Variants in OR4K1 observed in about 807,000 individuals in gnomAD.
OR4K1 encodes the protein olfactory receptor 4K1.
A neutral mutation model predicts 14.4 loss-of-function variants in OR4K1; 16 were observed. That is an observed-to-expected ratio of 1.11 (90% CI 0.75 to 1.68). OR4K1 has a LOEUF of 1.68. Among genes scored for constraint, OR4K1 ranks in the 40% most tolerant of loss-of-function variants. The probability of loss-of-function intolerance (pLI) is 0.00; values close to 1 mark genes in which losing one functional copy is unlikely to be tolerated. For missense variants in OR4K1, 548 were observed against 376.9 expected (o/e 1.45, Z -3.76); for synonymous variants, 181 against 133.1 (o/e 1.36, Z -2.48).
chr14:19,930,351 A>C (rs1474825043), upstream of OR4K1, among the ~76,000 whole-genome samples: 2 of 152,246 alleles, frequency 1.3e-5, no homozygotes, highest in African/African-American at 4.8e-5. Flanking sequence ...GAACCTGTGG[A>C]GATCTAGAAA....
At chr14:19,933,584 C>G (rs1483687455) in intron 1 of OR4K1, among the ~76,000 whole-genome samples, 4 of 152,078 alleles carry the variant, frequency 2.6e-5, no homozygotes, top group Non-Finnish European at 5.9e-5. Flanking sequence ...TCTTGAGTAA[C>G]TTAGGTTTCT....
At chr14:19,923,570 T>C in the OR4K1 span, among the ~76,000 whole-genome samples, 2 of 152,072 alleles carry the variant, frequency 1.3e-5, no homozygotes, top group Non-Finnish European at 2.9e-5. Context: ...AAATAAATGT[T>C]GAAAAAGAAA....
At chr14:19,921,211 A>G in the OR4K1 span, 1 of 1,614,172 alleles carries the variant, frequency 6.2e-7, no homozygotes, top group Non-Finnish European at 8.5e-7. Context: ...ATTGTGGTCA[A>G]TAGTGGAATT....
chr14:19,926,521 C>CT (rs1437291033), upstream of OR4K1, among the ~76,000 whole-genome samples: 2 of 152,218 alleles, frequency 1.3e-5, no homozygotes, highest in Non-Finnish European at 2.9e-5. Context: ...GTCCAATACG[C>CT]TAGGGCAGGC....
At chr14:19,925,776 C>CA in the OR4K1 span, among the ~76,000 whole-genome samples, 9 of 152,338 alleles carry the variant, frequency 5.9e-5, no homozygotes, top group South Asian at 6.2e-4. Context: ...GAGAGTACCC[C>CA]AAAAGGCCAA....
At chr14:19,922,269 T>C in the OR4K1 span, among the ~76,000 whole-genome samples, 1 of 152,274 alleles carries the variant, frequency 6.6e-6, no homozygotes, top group East Asian at 1.9e-4. Context: ...AAAGCTGAAC[T>C]ATTTCAACAC....
At chr14:19,922,806 C>A in the OR4K1 span, among the ~76,000 whole-genome samples, 2 of 152,210 alleles carry the variant, frequency 1.3e-5, no homozygotes, top group East Asian at 1.9e-4. Flanking sequence ...TTAACCCTGG[C>A]AACCAATGAT....
chr14:19,930,129 T>TTA (rs60026890), upstream of OR4K1, among the ~76,000 whole-genome samples: 27,518 of 148,646 alleles, frequency 0.19, 1,766 homozygotes, highest in African/African-American at 0.26. Context: ...ACTCTCAAAT[T>TTA]TATATATATA....
chr14:19,923,542 G>A, the OR4K1 span, among the ~76,000 whole-genome samples: 47 of 152,196 alleles, frequency 3.1e-4, no homozygotes, highest in African/African-American at 9.2e-4. Context: ...TTAACTTATA[G>A]AGAATGACAT....
chr14:19,925,169 T>C, the OR4K1 span, among the ~76,000 whole-genome samples: 1 of 152,230 alleles, frequency 6.6e-6, no homozygotes, highest in Admixed American at 6.5e-5. Flanking sequence ...GTGAACATTT[T>C]AGTAAATGTG....
the OR4K1 span, chr14:19,921,134 CT>C: frequency 6.2e-7 from 1 of 1,614,162 alleles, no homozygotes; most frequent in Non-Finnish European, 8.5e-7. Context: ...TAGTAGACAG[CT>C]TTTTTTGTGA....
At chr14:19,933,775 C>T (rs772383790) in intron 1 of OR4K1, among the ~76,000 whole-genome samples, 5 of 152,110 alleles carry the variant, frequency 3.3e-5, no homozygotes, top group East Asian at 1.9e-4. Context: ...TTAGTAGAGA[C>T]GGGGTTTCAC....
At chr14:19,920,385 A>C in the OR4K1 span, among the ~76,000 whole-genome samples, 1 of 152,208 alleles carries the variant, frequency 6.6e-6, no homozygotes, top group South Asian at 2.1e-4. Context: ...ATACTGATTA[A>C]ATTATTAAGC....
the OR4K1 span, among the ~76,000 whole-genome samples, chr14:19,922,997 T>A: frequency 6.6e-6 from 1 of 152,278 alleles, no homozygotes; most frequent in African/African-American, 2.4e-5. Context: ...TCTGTCAAGA[T>A]CATAAAGACA....
intron 1 of OR4K1, among the ~76,000 whole-genome samples, chr14:19,932,465 A>T (rs543194985): frequency 8.5e-5 from 13 of 152,182 alleles, no homozygotes; most frequent in Non-Finnish European, 1.8e-4. Context: ...CCACTCTGAA[A>T]TGTAACAAGT....
upstream of OR4K1, among the ~76,000 whole-genome samples, chr14:19,927,560 G>A (rs1882087988): frequency 6.6e-6 from 1 of 152,186 alleles, no homozygotes. Flanking sequence ...ATGCCTATCA[G>A]GGACCAAAAA....
chr14:19,933,707 C>T (rs1004290745), intron 1 of OR4K1, among the ~76,000 whole-genome samples: 13 of 152,224 alleles, frequency 8.5e-5, no homozygotes, highest in African/African-American at 2.9e-4. Context: ...ATTCTCCTGC[C>T]TCAGCCTCCC....
rs747486700 is a variant in OR4K1 at position 19,935,979 on chromosome 14, C to T, written c.313C>T (p.His105Tyr). 24 of 1,614,140 alleles carry T rather than the reference C, an allele frequency of 1.5e-5. 1 individual carries two copies. The African/African-American group carries it at 2.3e-4, about 15-fold the overall frequency. ...TTGCATGGCCCAGATATTCGTTCTT[C>T]ACAGTTTTGTTGGGAGTGAGATGAT... ...EGCMAQIFVL[H>Y]SFVGSEMMLL... Residue 105 changes from histidine (H) to tyrosine (Y), a missense_variant, in exon 2 of 2, where the codon CAC (histidine) becomes TAC (tyrosine). His to Tyr is a moderately conservative substitution (Grantham distance 83, BLOSUM62 2). Transcript: ENST00000641172.
Position 19,935,484 on chromosome 14 carries a change from G to T in OR4K1, c.-19-164G>T, listed in dbSNP as rs114157040. The T allele has an allele frequency of 3.7e-3, 2,112 of 570,134 alleles. 23 individuals carry two copies. In the African/African-American group the frequency reaches 0.038, roughly 10 times the overall value. The allele number at this position is 570,134 out of a possible 1,614,324, so 35.3% of individuals were successfully genotyped here. A position where few individuals can be genotyped will look rare whatever the true frequency, so the allele number is the denominator to read the frequency against. ...CTCTTTCAACTTTCATAGCAGTCAT[G>T]GATGTTAAATATTAGTCAACTGAGT... On this transcript the variant is annotated intron_variant, in intron 1 of 1. Coordinates refer to ENST00000641172, the MANE Select transcript of OR4K1 (RefSeq NM_001004063.3).
Sources: gnomAD v4.1 joint callset for allele counts (sites outside exome capture counted in the v4.1 genomes callset) on GRCh38, gnomAD v4.1.1 for gene constraint, MANE v1.5 for transcripts, NCBI Gene and HGNC (gene_info 2026-07-23, HGNC 2026-07-21) for gene names.